SESN3: variants seen among roughly 807,000 people sequenced by gnomAD.
SESN3 encodes the protein sestrin-3.
A neutral mutation model predicts 55.3 loss-of-function variants in SESN3; 21 were observed. The observed-to-expected ratio is 0.38, with a 90% CI of 0.27 to 0.55. SESN3 has a LOEUF of 0.55. Among genes scored for constraint, SESN3 ranks in the 20% least tolerant of loss-of-function variants. The pLI is 0.76. For synonymous variants in SESN3, 181 were observed against 203.1 expected (o/e 0.89, Z 0.93); for missense variants, 408 against 604.3 (o/e 0.68, Z 3.41).
At position 95,213,204 on chromosome 11, in the gene SESN3, T is replaced by A. The variant is rs374204100; in HGVS notation, c.78+17579A>T. On this transcript the variant is annotated intron_variant, in intron 1 of 9. Coordinates refer to ENST00000536441, the MANE Select transcript of SESN3 (RefSeq NM_144665.4). ...AACATATTGTGGATGTCTGTCCACT[T>A]CTATACATAGATCAGTTGCCCAGTA... Among the ~76,000 whole-genome samples, 47 of 152,306 alleles carry A rather than the reference T, an allele frequency of 3.1e-4. 1 individual carries two copies. The highest frequency in any genetic ancestry group is 2.7e-3 in the East Asian group (14 of 5,188).
At chr11:95,223,532 A>C (rs1860897192) in intron 1 of SESN3, among the ~76,000 whole-genome samples, 1 of 152,202 alleles carries the variant, frequency 6.6e-6, no homozygotes, top group Admixed American at 6.5e-5. Flanking sequence ...ATCAGAAAAA[A>C]GATGCTCATG....
intron 1 of SESN3, among the ~76,000 whole-genome samples, chr11:95,214,559 C>T (rs1860717483): frequency 6.6e-6 from 1 of 152,008 alleles, no homozygotes; most frequent in African/African-American, 2.4e-5. Flanking sequence ...CTTTCTGACA[C>T]TCCATTTTTA....
chr11:95,231,059 GC>G lies in SESN3; in HGVS notation c.-200del. 1 of 415,418 alleles carries G rather than the reference GC, an allele frequency of 2.4e-6. No individual in the cohort carries two copies. Among genetic ancestry groups the G allele is most frequent in the Non-Finnish European group, 4.2e-6 (1 of 236,640 alleles). The allele number at this position is 415,418 out of a possible 1,614,324, so 25.7% of individuals were successfully genotyped here. A position where few individuals can be genotyped will look rare whatever the true frequency, so the allele number is the denominator to read the frequency against. Reference sequence around the variant, plus strand: ...GGCGACCACCGCGGCAGCTGCCCCAGCGACGGCGGAGACGGCGGCGGCTGCT... The same window carrying G: ...GGCGACCACCGCGGCAGCTGCCCCAGGACGGCGGAGACGGCGGCGGCTGCT... On this transcript the variant is annotated 5_prime_UTR_variant, in exon 1 of 10. Transcript: ENST00000536441.
intron 1 of SESN3, among the ~76,000 whole-genome samples, chr11:95,196,026 G>A (rs556818538): frequency 6.6e-6 from 1 of 152,226 alleles, no homozygotes; most frequent in East Asian, 1.9e-4. Flanking sequence ...GGGCCTGAGA[G>A]GGAAAAATCC....
intron 1 of SESN3, among the ~76,000 whole-genome samples, chr11:95,221,921 A>G (rs1412860327): frequency 1.3e-5 from 2 of 152,176 alleles, no homozygotes; most frequent in African/African-American, 4.8e-5. Context: ...GAACAATTCT[A>G]TTTCAAATTT....
At chr11:95,191,993 C>T (rs958107649) in intron 2 of SESN3, among the ~76,000 whole-genome samples, 2 of 152,022 alleles carry the variant, frequency 1.3e-5, no homozygotes, top group Admixed American at 1.3e-4. Flanking sequence ...TCTCATCAGC[C>T]TATGAAGATA....
intron 1 of SESN3, among the ~76,000 whole-genome samples, chr11:95,222,157 G>A (rs1180572659): frequency 6.6e-6 from 1 of 152,128 alleles, no homozygotes. Context: ...AGTGGAGCAT[G>A]TGTCCATTTA....
chr11:95,184,230 C>G (rs1420441680), intron 6 of SESN3, 190 bp downstream of exon 6: 1 of 602,782 alleles, frequency 1.7e-6, no homozygotes, highest in Non-Finnish European at 2.9e-6. Context: ...TCTCTCAACT[C>G]AATCTGAAAT....
In SESN3 at chr11:95,171,159, T is replaced by A. The variant is rs1444505510; in HGVS notation, c.*2096A>T. 6.6e-6 allele frequency: 1 copy of A among 152,194 alleles called. No individual in the cohort carries two copies. Among genetic ancestry groups the A allele is most frequent in the Non-Finnish European group, 1.5e-5 (1 of 68,014 alleles). The allele number at this position is 152,194 out of a possible 1,614,324, so 9.4% of individuals were successfully genotyped here. ...ACAAATTCAAGAATAAATGACATCC[T>A]CAACTTGAAAGTTGTGAAGTTAGGT... On this transcript the variant is annotated 3_prime_UTR_variant, in exon 10 of 10. Coordinates refer to ENST00000536441, the MANE Select transcript of SESN3 (RefSeq NM_144665.4).
intron 1 of SESN3, chr11:95,204,911 A>G (rs1391611561): frequency 6.6e-6 from 1 of 152,218 alleles, no homozygotes; most frequent in Non-Finnish European, 1.5e-5. Context: ...AGGAAATGCC[A>G]GGTAAATAAG....
intron 1 of SESN3, among the ~76,000 whole-genome samples, chr11:95,209,983 C>T (rs1402526172): frequency 7.3e-6 from 1 of 137,290 alleles, no homozygotes; most frequent in Non-Finnish European, 1.5e-5. Context: ...CGCCATTGCA[C>T]TCCAACCTGG....
At position 95,172,947 on chromosome 11, in the gene SESN3, G is replaced by A. The variant is rs684856; in HGVS notation, c.*308C>T. The A allele has an allele frequency of 0.43, 110,904 of 256,084 alleles. 25,464 individuals are homozygous for A. The highest frequency in any genetic ancestry group is 0.7 in the East Asian group (9,835 of 14,092). 15.9% of individuals were successfully genotyped at this position (256,084 alleles called of 1,614,324 possible). A position where few individuals can be genotyped will look rare whatever the true frequency, so the allele number is the denominator to read the frequency against. On this transcript the variant is annotated 3_prime_UTR_variant, in exon 10 of 10. Transcript: ENST00000536441. ...AAAATACACATACACACAACCCAAA[G>A]GCGCTGAAGTTAAGCATTAATACGC...
intron 1 of SESN3, among the ~76,000 whole-genome samples, chr11:95,226,685 A>T (rs1327199095): frequency 6.6e-6 from 1 of 152,188 alleles, no homozygotes; most frequent in African/African-American, 2.4e-5. Context: ...ACAAAAAAAA[A>T]TTCAAATATC....
In SESN3 at chr11:95,230,716, C is replaced by A; in HGVS notation, c.78+67G>T. 7 of 1,263,638 alleles carry A rather than the reference C, an allele frequency of 5.5e-6. No homozygotes were observed. Among genetic ancestry groups the A allele is most frequent in the Non-Finnish European group, 7.9e-6 (7 of 888,828 alleles). The allele number at this position is 1,263,638 out of a possible 1,614,324, so 78.3% of individuals were successfully genotyped here. A position where few individuals can be genotyped will look rare whatever the true frequency, so the allele number is the denominator to read the frequency against. On this transcript the variant is annotated intron_variant, in intron 1 of 9. Coordinates refer to ENST00000536441, the MANE Select transcript of SESN3 (RefSeq NM_144665.4). The surrounding 1 kb of genome is among the most constrained non-coding windows in gnomAD (Gnocchi z 4.6). ...GCCTCCCCCAGTGCGCGCCCGGGGACGAGCCGCCCGAGCCCCGGCCGGCAG... is the reference window on the plus strand; with the variant it reads ...GCCTCCCCCAGTGCGCGCCCGGGGAAGAGCCGCCCGAGCCCCGGCCGGCAG...
intron 1 of SESN3, among the ~76,000 whole-genome samples, chr11:95,229,986 G>A (rs978685985): frequency 8.5e-5 from 13 of 152,054 alleles, no homozygotes; most frequent in Admixed American, 8.5e-4. Context: ...TTCCCCGCGG[G>A]GCGATTAAGC....
In SESN3 at chr11:95,168,827, G is replaced by C. The variant is rs1859797978; in HGVS notation, c.*4428C>G. The C allele has an allele frequency of 6.6e-6, 1 of 152,486 alleles. No individual in the cohort carries two copies. Among genetic ancestry groups the C allele is most frequent in the Non-Finnish European group, 1.5e-5 (1 of 68,130 alleles). 9.4% of individuals were successfully genotyped at this position (152,486 alleles called of 1,614,324 possible). A position where few individuals can be genotyped will look rare whatever the true frequency, so the allele number is the denominator to read the frequency against. ...TGGTTTGGATTGTGAAAGCTGCTTAGACCAAGATGGGCTGAGGGAAGGGGA... is the reference window on the plus strand; with the variant it reads ...TGGTTTGGATTGTGAAAGCTGCTTACACCAAGATGGGCTGAGGGAAGGGGA... On this transcript the variant is annotated 3_prime_UTR_variant, in exon 10 of 10. Coordinates refer to ENST00000536441, the MANE Select transcript of SESN3 (RefSeq NM_144665.4).
At chr11:95,215,124 T>C (rs2134259797) in intron 1 of SESN3, among the ~76,000 whole-genome samples, 1 of 152,084 alleles carries the variant, frequency 6.6e-6, no homozygotes, top group East Asian at 1.9e-4. Flanking sequence ...AATTTTCATT[T>C]GTGGAAGCAT....
At chr11:95,206,889 G>A (rs772673761) in intron 1 of SESN3, among the ~76,000 whole-genome samples, 8 of 151,852 alleles carry the variant, frequency 5.3e-5, no homozygotes, top group African/African-American at 1.2e-4. Context: ...TCCACCTCCC[G>A]GGTTCAAGCA....
Position 95,173,280 on chromosome 11 carries a change from C to T in SESN3, c.1454G>A (p.Arg485His), listed in dbSNP as rs762876773. 1.1e-5 allele frequency: 18 copies of T among 1,579,820 alleles called. No individual in the cohort carries two copies. Among genetic ancestry groups the T allele is most frequent in the African/African-American group, 5.4e-5 (4 of 74,608 alleles). ...RMQAELLYAL[R>H]AITRHLT ...TCAGGTCAAATGCCGAGTTATGGCA[C>T]GAAGAGCATAAAGAAGTTCAGCTTG... The change falls in exon 10 of 10, where the codon CGT becomes CAT. Residue 485 changes from arginine (R) to histidine (H), a missense_variant. Arg to His is a conservative substitution (Grantham distance 29). Transcript: ENST00000536441.
Sources: allele counts gnomAD v4.1 joint callset (sites outside exome capture counted in the v4.1 genomes callset), GRCh38; gene constraint gnomAD v4.1.1; non-coding constraint Gnocchi (gnomAD v3.1); transcripts MANE v1.5; gene names NCBI Gene and HGNC (gene_info 2026-07-23, HGNC 2026-07-21).